Variants in ATP11B observed in about 807,000 individuals in gnomAD.
ATP11B encodes ATPase phospholipid transporting 11B (putative), also known as phospholipid-transporting ATPase IF.
In ATP11B, 81 loss-of-function variants were observed where a neutral mutation model predicts 157.8. The observed-to-expected ratio is 0.51, with a 90% CI of 0.43 to 0.62. ATP11B has a LOEUF of 0.62. Ranked by LOEUF, ATP11B falls within the 20% of genes least tolerant of loss-of-function variation. The pLI is 0.00. For missense variants in ATP11B, 1,165 were observed against 1,402.2 expected (o/e 0.83, Z 2.70); for synonymous variants, 451 against 469.4 (o/e 0.96, Z 0.51).
At chr3:182,887,219 A>G (rs1445351492) in intron 23 of ATP11B, among the ~76,000 whole-genome samples, 1 of 152,178 alleles carries the variant, frequency 6.6e-6, no homozygotes, top group Non-Finnish European at 1.5e-5. Flanking sequence ...CATGAAAGGT[A>G]AACTGTATGT....
chr3:182,838,785 T>TTTTA (rs1468094097), intron 7 of ATP11B, among the ~76,000 whole-genome samples: 2 of 145,052 alleles, frequency 1.4e-5, no homozygotes, highest in African/African-American at 5.2e-5. Flanking sequence ...GTGCTATATA[T>TTTTA]TATATATATA....
chr3:182,914,310 T>C (rs1432821394), intron 29 of ATP11B: 5 of 1,020,046 alleles, frequency 4.9e-6, no homozygotes, highest in African/African-American at 3.4e-5. Context: ...TGTATAACTT[T>C]CTTTTTTAAA....
intron 27 of ATP11B, among the ~76,000 whole-genome samples, chr3:182,897,883 A>T (rs78360440): frequency 0.15 from 22,860 of 152,022 alleles, 1,996 homozygotes; most frequent in East Asian, 0.26. Context: ...CAGATATTCA[A>T]CTGGCTACTC....
At chr3:182,916,468 C>G (rs1347802719) in intron 29 of ATP11B, 1 of 985,110 alleles carries the variant, frequency 1.0e-6, no homozygotes, top group East Asian at 1.1e-4. Flanking sequence ...TTGATGTTGT[C>G]AATGAAGTAT....
At chr3:182,906,606 T>C (rs1447159418) in intron 28 of ATP11B, among the ~76,000 whole-genome samples, 1 of 152,014 alleles carries the variant, frequency 6.6e-6, no homozygotes, top group Non-Finnish European at 1.5e-5. Context: ...CATCCCACCA[T>C]GCCCAGGTAG....
intron 8 of ATP11B, 60 bp downstream of exon 8, chr3:182,842,182 T>A: frequency 8.3e-7 from 1 of 1,200,972 alleles, no homozygotes; most frequent in Non-Finnish European, 1.2e-6. Context: ...GGGGAGGGAC[T>A]AGAAGTTCCA....
intron 4 of ATP11B, among the ~76,000 whole-genome samples, chr3:182,832,196 G>A (rs1163001826): frequency 1.3e-5 from 2 of 152,120 alleles, no homozygotes; most frequent in Non-Finnish European, 2.9e-5. Flanking sequence ...ATTGGTTTAA[G>A]TAAAAGTGAA....
intron 1 of ATP11B, among the ~76,000 whole-genome samples, chr3:182,819,369 C>T (rs929616680): frequency 6.6e-6 from 1 of 152,134 alleles, no homozygotes; most frequent in African/African-American, 2.4e-5. Context: ...GCGCGCCCGG[C>T]GTCTTTTTTC....
chr3:182,906,849 G>T (rs1724397157), intron 28 of ATP11B, among the ~76,000 whole-genome samples: 2 of 151,850 alleles, frequency 1.3e-5, no homozygotes, highest in South Asian at 4.1e-4. Context: ...AGCACTTTGG[G>T]AGGCTGAGGC....
chr3:182,838,542 G>C (rs954563872), intron 7 of ATP11B, among the ~76,000 whole-genome samples: 2 of 151,898 alleles, frequency 1.3e-5, no homozygotes, highest in African/African-American at 4.8e-5. Flanking sequence ...ATTGCAACAG[G>C]CTTTTATAGT....
At position 182,920,530 on chromosome 3, in the gene ATP11B, T is replaced by G. The variant is rs1191230326; in HGVS notation, c.*2426T>G. On this transcript the variant is annotated 3_prime_UTR_variant, in exon 30 of 30. Transcript: ENST00000323116. Reference sequence around the variant, plus strand: ...AATTCTTTCTTTGGAAAGTATGATGTTGATAATTAACTTACCCTTATCTGC... The same window carrying G: ...AATTCTTTCTTTGGAAAGTATGATGGTGATAATTAACTTACCCTTATCTGC... 2 of 152,250 alleles carry G rather than the reference T, an allele frequency of 1.3e-5. No homozygotes were observed. The allele number at this position is 152,250 out of a possible 1,614,324, so 9.4% of individuals were successfully genotyped here. A position where few individuals can be genotyped will look rare whatever the true frequency, so the allele number is the denominator to read the frequency against.
chr3:182,907,396 C>A (rs571702851), intron 28 of ATP11B, among the ~76,000 whole-genome samples: 2 of 152,218 alleles, frequency 1.3e-5, no homozygotes, highest in East Asian at 3.9e-4. Context: ...ATAAATCAGA[C>A]CCTGGAACAG....
intron 10 of ATP11B, 27 bp downstream of exon 10, chr3:182,848,584 T>C (rs773328722): frequency 3.2e-5 from 43 of 1,326,320 alleles, no homozygotes; most frequent in East Asian, 5.2e-5. Flanking sequence ...CATTTATTTA[T>C]ATGTAATTAT....
chr3:182,842,446 G>T (rs951788165), intron 8 of ATP11B, among the ~76,000 whole-genome samples: 1 of 152,162 alleles, frequency 6.6e-6, no homozygotes, highest in African/African-American at 2.4e-5. Context: ...CTGGGGAAGG[G>T]TTGTGGAGCT....
intron 28 of ATP11B, among the ~76,000 whole-genome samples, chr3:182,913,313 C>T (rs1426977773): frequency 1.3e-5 from 2 of 152,148 alleles, no homozygotes; most frequent in South Asian, 2.1e-4. Flanking sequence ...TAGAACCTGG[C>T]ACATAGTAAA....
At chr3:182,825,691 C>T (rs1717667298) in intron 2 of ATP11B, among the ~76,000 whole-genome samples, 1 of 149,728 alleles carries the variant, frequency 6.7e-6, no homozygotes, top group African/African-American at 2.5e-5. Flanking sequence ...CCACTGCACT[C>T]CAGCCTGGGT....
chr3:182,877,550 G>C (rs1406621353), intron 19 of ATP11B, among the ~76,000 whole-genome samples: 1 of 152,182 alleles, frequency 6.6e-6, no homozygotes. Flanking sequence ...GCTGAGGTGG[G>C]AGGATGTATT....
intron 26 of ATP11B, among the ~76,000 whole-genome samples, 193 bp from the exon 27 acceptor site, chr3:182,897,110 A>C (rs1242812828): frequency 6.6e-6 from 1 of 152,112 alleles, no homozygotes; most frequent in East Asian, 1.9e-4. Flanking sequence ...GAAGAAAAAC[A>C]TTATAAACTT....
chr3:182,815,378 T>TATAC (rs1716909652), intron 1 of ATP11B, among the ~76,000 whole-genome samples: 1 of 152,214 alleles, frequency 6.6e-6, no homozygotes, highest in Non-Finnish European at 1.5e-5. Flanking sequence ...TTTTACTGAA[T>TATAC]AGGTATAATT....
Sources: allele counts gnomAD v4.1 joint callset (sites outside exome capture counted in the v4.1 genomes callset), GRCh38; gene constraint gnomAD v4.1.1; transcripts MANE v1.5; gene names NCBI Gene and HGNC (gene_info 2026-07-23, HGNC 2026-07-21).